The following FBXL17 variants were observed in gnomAD, a reference collection of about 807,000 sequenced individuals.
The protein encoded by FBXL17 is F-box/LRR-repeat protein 17.
Under a neutral mutation model 66.2 loss-of-function variants are expected in FBXL17, and 22 were observed. That is an observed-to-expected ratio of 0.33 (90% CI 0.24 to 0.47). FBXL17 has a LOEUF of 0.47. Among genes scored for constraint, FBXL17 ranks in the 20% least tolerant of loss-of-function variants. The pLI is 1.00. For missense variants in FBXL17, 878 were observed against 948.2 expected (o/e 0.93, Z 0.97); for synonymous variants, 474 against 400.5 (o/e 1.18, Z -2.19).
chr5:107,975,858 T>G (rs186531221), intron 7 of FBXL17, among the ~76,000 whole-genome samples: 70 of 76,116 alleles, frequency 9.2e-4, no homozygotes, highest in African/African-American at 3.3e-3. Context: ...GTTGTTGTTG[T>G]TTTTTTTTTT....
intron 8 of FBXL17, among the ~76,000 whole-genome samples, chr5:107,874,638 G>A (rs1301901716): frequency 6.6e-6 from 1 of 152,070 alleles, no homozygotes; most frequent in African/African-American, 2.4e-5. Context: ...CCACATCAGT[G>A]TTTCTTGGTT....
chr5:108,340,942 T>TAGACACCAGTAGA (rs1435023967), intron 4 of FBXL17, among the ~76,000 whole-genome samples: 1 of 152,188 alleles, frequency 6.6e-6, no homozygotes, highest in African/African-American at 2.4e-5. Flanking sequence ...GAGAGTGATT[T>TAGACACCAGTAGA]GACATGATAT....
At chr5:108,349,228 G>A (rs966674206) in intron 3 of FBXL17, among the ~76,000 whole-genome samples, 1 of 152,176 alleles carries the variant, frequency 6.6e-6, no homozygotes, top group Non-Finnish European at 1.5e-5. Flanking sequence ...AAAAATGTAT[G>A]TAAGTTTTTA....
intron 4 of FBXL17, among the ~76,000 whole-genome samples, chr5:108,315,459 A>T (rs532631735): frequency 6.6e-6 from 1 of 151,622 alleles, no homozygotes; most frequent in Admixed American, 6.6e-5. Flanking sequence ...AAATAATTAC[A>T]TTATATTTCA....
intron 7 of FBXL17, among the ~76,000 whole-genome samples, chr5:107,966,884 T>C (rs182579861): frequency 2.6e-5 from 4 of 152,266 alleles, no homozygotes; most frequent in Non-Finnish European, 5.9e-5. Context: ...TAATAATAAT[T>C]GAAATGTGTG....
intron 4 of FBXL17, among the ~76,000 whole-genome samples, chr5:108,281,062 T>G (rs553719267): frequency 1.3e-5 from 2 of 151,762 alleles, no homozygotes; most frequent in East Asian, 3.9e-4. Context: ...CAGATAGCAA[T>G]ACAATAATAG....
chr5:108,084,162 C>T (rs948895548), intron 6 of FBXL17, among the ~76,000 whole-genome samples: 1 of 152,148 alleles, frequency 6.6e-6, no homozygotes. Context: ...CGCTAGAGTG[C>T]CTTTTCTCAG....
chr5:108,223,292 T>C (rs1400805475), intron 5 of FBXL17, among the ~76,000 whole-genome samples: 1 of 152,174 alleles, frequency 6.6e-6, no homozygotes, highest in Non-Finnish European at 1.5e-5. Flanking sequence ...ACCTGGGATC[T>C]TACCTGGTTT....
At chr5:108,287,988 T>C (rs1003866052) in intron 4 of FBXL17, among the ~76,000 whole-genome samples, 9 of 151,970 alleles carry the variant, frequency 5.9e-5, no homozygotes, top group African/African-American at 2.2e-4. Context: ...GTAGAGGCCA[T>C]TATACCAAGT....
chr5:108,244,840 T>C (rs528456199), intron 4 of FBXL17, among the ~76,000 whole-genome samples: 1 of 152,300 alleles, frequency 6.6e-6, no homozygotes, highest in African/African-American at 2.4e-5. Context: ...TAACTGTATA[T>C]AACAGGTTTA....
chr5:108,049,569 C>G (rs1010249733), intron 6 of FBXL17, among the ~76,000 whole-genome samples: 2 of 152,124 alleles, frequency 1.3e-5, no homozygotes, highest in East Asian at 3.9e-4. Context: ...GCCTGCCGTG[C>G]AAGAGCTCCT....
chr5:108,342,948 A>T (rs1337677605), intron 4 of FBXL17, among the ~76,000 whole-genome samples: 1 of 152,204 alleles, frequency 6.6e-6, no homozygotes, highest in African/African-American at 2.4e-5. Context: ...TAGTATTAGG[A>T]AGTGGGATCT....
At chr5:108,050,999 A>C in intron 6 of FBXL17, among the ~76,000 whole-genome samples, 1 of 152,202 alleles carries the variant, frequency 6.6e-6, no homozygotes, top group East Asian at 1.9e-4. Flanking sequence ...GAAATGCATA[A>C]ATTCTTGGAC....
At chr5:108,030,207 C>T (rs1157169120) in intron 6 of FBXL17, among the ~76,000 whole-genome samples, 1 of 151,970 alleles carries the variant, frequency 6.6e-6, no homozygotes, top group East Asian at 1.9e-4. Flanking sequence ...CACAAAAGTC[C>T]AGGTTGCTCT....
intron 7 of FBXL17, among the ~76,000 whole-genome samples, chr5:108,005,351 C>A (rs1753885115): frequency 6.6e-6 from 1 of 152,166 alleles, no homozygotes; most frequent in Non-Finnish European, 1.5e-5. Flanking sequence ...GTCATCCTTT[C>A]ATATGCCCTA....
intron 4 of FBXL17, among the ~76,000 whole-genome samples, chr5:108,270,682 T>G (rs1757232457): frequency 6.6e-6 from 1 of 152,060 alleles, no homozygotes; most frequent in South Asian, 2.1e-4. Context: ...ACAGTTATGT[T>G]AACAGTTTTA....
At chr5:108,043,822 T>C (rs1185369473) in intron 6 of FBXL17, among the ~76,000 whole-genome samples, 1 of 152,210 alleles carries the variant, frequency 6.6e-6, no homozygotes, top group East Asian at 1.9e-4. Flanking sequence ...ATGTCTCCTA[T>C]GTGGCTTCCA....
intron 7 of FBXL17, among the ~76,000 whole-genome samples, chr5:107,886,982 CACCATGTGGGGTCCTGAGTTAGAT>C (rs1748993221): frequency 6.7e-6 from 1 of 148,596 alleles, no homozygotes; most frequent in South Asian, 2.1e-4. Flanking sequence ...GACAACTAAA[CACCATGTGGGGTCCTGAGTTAGAT>C]ACTAGAACAG....
chr5:108,276,974 A>G (rs1580731764), intron 4 of FBXL17, among the ~76,000 whole-genome samples: 1 of 151,988 alleles, frequency 6.6e-6, no homozygotes, highest in African/African-American at 2.4e-5. Context: ...TTTAGATTGT[A>G]CTTCAGACAT....
Sources: gnomAD v4.1 joint callset for allele counts (sites outside exome capture counted in the v4.1 genomes callset) on GRCh38, gnomAD v4.1.1 for gene constraint, MANE v1.5 for transcripts, NCBI Gene and HGNC (gene_info 2026-07-23, HGNC 2026-07-21) for gene names.